Variants in ARID3A observed in about 807,000 individuals in gnomAD.
ARID3A encodes AT-rich interactive domain-containing protein 3A.
A neutral mutation model predicts 52.7 loss-of-function variants in ARID3A; 11 were observed. The ratio of observed to expected loss-of-function variants is 0.21; its 90% confidence interval spans 0.13 to 0.35. The LOEUF (loss-of-function observed/expected upper bound fraction) is 0.35. Ranked by LOEUF, ARID3A falls within the 10% of genes least tolerant of loss-of-function variation. The probability of loss-of-function intolerance (pLI) is 1.00; values close to 1 mark genes in which losing one functional copy is unlikely to be tolerated. For missense variants in ARID3A, 721 were observed against 838.5 expected (o/e 0.86, Z 1.73); for synonymous variants, 404 against 359.4 (o/e 1.12, Z -1.40).
Position 944,235 on chromosome 19 carries a change from C to A in ARID3A, c.693+11493C>A, listed in dbSNP as rs536940786. 4.6e-5 allele frequency among the ~76,000 whole-genome samples: 7 copies of A among 152,038 alleles called. No individual in the cohort carries two copies. Among genetic ancestry groups the A allele is most frequent in the African/African-American group, 1.5e-4 (6 of 41,292 alleles). On this transcript the variant is annotated intron_variant, in intron 3 of 8. Transcript: ENST00000263620. This position sits in a 1 kb window ranked among gnomAD's most constrained non-coding sequence, Gnocchi z 5.9. ...GCCGCCGGCACTGGAGTCCTGACGT[C>A]GGCAGCGCGGTGGAGGGCGGGCCTG...
At position 964,829 on chromosome 19, in the gene ARID3A, A is replaced by G; in HGVS notation, c.951-4A>G. The G allele has an allele frequency of 6.2e-7, 1 of 1,610,566 alleles. No homozygotes were observed. Among genetic ancestry groups the G allele is most frequent in the Non-Finnish European group, 8.5e-7 (1 of 1,177,156 alleles). ...GCCATCCTCTTCCCTCGTCCCACCC[A>G]CAGATACATGAAGTACCTGTACCCC... On this transcript the variant is annotated splice_region_variant and splice_polypyrimidine_tract_variant and intron_variant, in intron 5 of 8. Transcript: ENST00000263620. The surrounding 1 kb of genome is among the most constrained non-coding windows in gnomAD (Gnocchi z 5.7).
rs1441012405 is a variant in ARID3A at position 964,220 on chromosome 19, C to T, written c.767-28C>T. 1 of 1,590,726 alleles carries T rather than the reference C, an allele frequency of 6.3e-7. No homozygotes were observed. The highest frequency in any genetic ancestry group is 1.3e-5 in the African/African-American group (1 of 74,576). ...GCTCCCTGCAGTGCCCAGGTGGCCC[C>T]CAACCTCCCTCTCGCCCCTTCCCCC... On this transcript the variant is annotated intron_variant, in intron 4 of 8. Coordinates refer to ENST00000263620, the MANE Select transcript of ARID3A (RefSeq NM_005224.3). The surrounding 1 kb of genome is among the most constrained non-coding windows in gnomAD (Gnocchi z 5.7).
At chr19:931,451 C>CAAA (rs768315126) in intron 2 of ARID3A, among the ~76,000 whole-genome samples, 7,350 of 78,974 alleles carry the variant, frequency 0.093, 339 homozygotes, top group East Asian at 0.26. Flanking sequence ...GACTGTGTCT[C>CAAA]AAAAAAAAAA....
intron 8 of ARID3A, 59 bp from the exon 9 acceptor site, chr19:971,819 T>G: frequency 6.5e-7 from 1 of 1,532,250 alleles, no homozygotes; most frequent in Non-Finnish European, 8.7e-7. Flanking sequence ...GTCTCCCTTG[T>G]GGCCCGCCTC....
At chr19:933,851 G>GGA (rs1033969047) in intron 3 of ARID3A, among the ~76,000 whole-genome samples, 1 of 148,498 alleles carries the variant, frequency 6.7e-6, no homozygotes, top group Non-Finnish European at 1.5e-5. Flanking sequence ...CTCGGTGGGG[G>GGA]GGGGGGGCGT....
At position 943,943 on chromosome 19, in the gene ARID3A, C is replaced by T. The variant is rs373317975; in HGVS notation, c.693+11201C>T. 1.2e-4 allele frequency among the ~76,000 whole-genome samples: 13 copies of T among 108,600 alleles called. No individual in the cohort carries two copies. In the South Asian group the frequency reaches 1.3e-3, roughly 11 times the overall value. 71.2% of individuals were successfully genotyped at this position (108,600 alleles called of 152,430 possible). The stretch of plus-strand genomic sequence containing the variant: ...ACGGGGCACCTGCTGTATGCCAGCC[C>T]GACCCTCTCATGGGCACTTACGGGG... On this transcript the variant is annotated intron_variant, in intron 3 of 8. Transcript: ENST00000263620.
rs1343165589 is a variant in ARID3A, at chr19:944,348, G to A, written c.693+11606G>A. On this transcript the variant is annotated intron_variant, in intron 3 of 8. Coordinates refer to ENST00000263620, the MANE Select transcript of ARID3A (RefSeq NM_005224.3). The surrounding 1 kb of genome is among the most constrained non-coding windows in gnomAD (Gnocchi z 5.9). Reference sequence around the variant, plus strand: ...GGGGTGTGTGTGTGTGTGTGTGTGTGTCTGCGTGGGAGTGTCTGGCTGTGT... The same window carrying A: ...GGGGTGTGTGTGTGTGTGTGTGTGTATCTGCGTGGGAGTGTCTGGCTGTGT... Among the ~76,000 whole-genome samples the A allele has an allele frequency of 1.3e-5, 2 of 152,004 alleles. No individual in the cohort carries two copies. The highest frequency in any genetic ancestry group is 2.9e-5 in the Non-Finnish European group (2 of 67,974).
Position 942,524 on chromosome 19 carries a change from AG to A in ARID3A, c.693+9785del, listed in dbSNP as rs1454932595. 6.6e-6 allele frequency among the ~76,000 whole-genome samples: 1 copy of A among 152,212 alleles called. No individual in the cohort carries two copies. The highest frequency in any genetic ancestry group is 1.5e-5 in the Non-Finnish European group (1 of 68,032). ...TGGCCAGAGGACAATTGGGGGTCACAGGGTTAAACGCTGACTAATCTGGCCA... is the reference window on the plus strand; with the variant it reads ...TGGCCAGAGGACAATTGGGGGTCACAGGTTAAACGCTGACTAATCTGGCCA... On this transcript the variant is annotated intron_variant, in intron 3 of 8. Coordinates refer to ENST00000263620, the MANE Select transcript of ARID3A (RefSeq NM_005224.3). This position sits in a 1 kb window ranked among gnomAD's most constrained non-coding sequence, Gnocchi z 8.1.
intron 8 of ARID3A, 33 bp from the exon 9 acceptor site, chr19:971,845 C>G (rs368594698): frequency 6.3e-7 from 1 of 1,576,288 alleles, no homozygotes; most frequent in African/African-American, 1.4e-5. Flanking sequence ...TTCTTAAACT[C>G]TGCATGGCAT....
chr19:939,004 C>T (rs1357597127), intron 3 of ARID3A, among the ~76,000 whole-genome samples: 1 of 149,076 alleles, frequency 6.7e-6, no homozygotes, highest in Non-Finnish European at 1.5e-5. Context: ...AATCTCAGCT[C>T]ACTGCAACCT....
intron 3 of ARID3A, among the ~76,000 whole-genome samples, chr19:955,207 C>T (rs2037892104): frequency 1.3e-5 from 2 of 152,210 alleles, no homozygotes. Flanking sequence ...GCCTGGACAC[C>T]GTCCCCTGCT....
chr19:968,684 G>T (rs182218059), intron 8 of ARID3A, 181 bp downstream of exon 8: 24 of 584,504 alleles, frequency 4.1e-5, no homozygotes, highest in African/African-American at 3.9e-4. Context: ...TCGTTCACCC[G>T]GTACCACGCT....
chr19:958,991 G>A (rs2037984504), intron 3 of ARID3A, among the ~76,000 whole-genome samples: 1 of 152,244 alleles, frequency 6.6e-6, no homozygotes, highest in Admixed American at 6.5e-5. Context: ...ACGGGACCCA[G>A]GACAGCCACA....
rs1163754483 is a variant in ARID3A, at chr19:938,924, ATCTC to A, written c.693+6186_693+6189del. On this transcript the variant is annotated intron_variant, in intron 3 of 8. Transcript: ENST00000263620. This position sits in a 1 kb window ranked among gnomAD's most constrained non-coding sequence, Gnocchi z 4.0. ...AAAATACACATAGATACATTATTTTATCTCTCTTTTTTTTTTTTTTTTTTGAGAC... is the reference window on the plus strand; with the variant it reads ...AAAATACACATAGATACATTATTTTATCTTTTTTTTTTTTTTTTTTGAGAC... 1.6e-4 allele frequency among the ~76,000 whole-genome samples: 22 copies of A among 137,390 alleles called. No individual in the cohort carries two copies. Among genetic ancestry groups the A allele is most frequent in the South Asian group, 4.6e-4 (2 of 4,390 alleles). The allele number at this position is 137,390 out of a possible 152,430, so 90.1% of individuals were successfully genotyped here.
chr19:937,160 G>A (rs1023019940), intron 3 of ARID3A, among the ~76,000 whole-genome samples: 3 of 151,930 alleles, frequency 2.0e-5, no homozygotes, highest in African/African-American at 2.4e-5. Flanking sequence ...CCCAGCACTC[G>A]GGAGGTTGAG....
At chr19:965,137 C>T (rs1313994924) in intron 6 of ARID3A, 57 bp downstream of exon 6, 30 of 1,525,512 alleles carry the variant, frequency 2.0e-5, no homozygotes, top group Non-Finnish European at 2.6e-5. Context: ...GCCTGGCTGT[C>T]TGACCTTGGG....
At chr19:931,823 CAAAA>C (rs376224000) in intron 2 of ARID3A, among the ~76,000 whole-genome samples, 1 of 115,722 alleles carries the variant, frequency 8.6e-6, no homozygotes, top group African/African-American at 3.0e-5. Context: ...AAAAAAAAGA[CAAAA>C]AAAAAAAAAC....
chr19:974,415 C>T lies in ARID3A; in HGVS notation c.*2350C>T. 1 of 230,746 alleles carries T rather than the reference C, an allele frequency of 4.3e-6. No homozygotes were observed. The highest frequency in any genetic ancestry group is 8.6e-6 in the Non-Finnish European group (1 of 116,438). The allele number at this position is 230,746 out of a possible 1,614,324, so 14.3% of individuals were successfully genotyped here. On this transcript the variant is annotated 3_prime_UTR_variant, in exon 9 of 9. Transcript: ENST00000263620. ...ACACAATCGGGCCCCACTCGCAGAACCACCTGGACTCTGTCCGTGTCTGTC... is the reference window on the plus strand; with the variant it reads ...ACACAATCGGGCCCCACTCGCAGAATCACCTGGACTCTGTCCGTGTCTGTC...
Position 938,841 on chromosome 19 carries a change from C to A in ARID3A, c.693+6099C>A, listed in dbSNP as rs1055348348. 6.6e-6 allele frequency among the ~76,000 whole-genome samples: 1 copy of A among 152,056 alleles called. No homozygotes were observed. Among genetic ancestry groups the A allele is most frequent in the African/African-American group, 2.4e-5 (1 of 41,400 alleles). On this transcript the variant is annotated intron_variant, in intron 3 of 8. Transcript: ENST00000263620. The surrounding 1 kb of genome is among the most constrained non-coding windows in gnomAD (Gnocchi z 4.0). ...AAGCGAGACCCCAGCAAGAAACGGG[C>A]ATCCGGTTTTTGGTCTTTTTTTGGT... is the stretch of plus-strand genomic sequence containing the variant.
Sources: gnomAD v4.1 joint callset for allele counts (sites outside exome capture counted in the v4.1 genomes callset) on GRCh38, gnomAD v4.1.1 for gene constraint, Gnocchi (gnomAD v3.1) non-coding constraint, MANE v1.5 for transcripts, NCBI Gene and HGNC (gene_info 2026-07-23, HGNC 2026-07-21) for gene names.